TLL1: variants seen among roughly 807,000 people sequenced by gnomAD.
TLL1 encodes tolloid like 1.
A neutral mutation model predicts 128.2 loss-of-function variants in TLL1; 49 were observed. That is an observed-to-expected ratio of 0.38 (90% CI 0.30 to 0.48). The LOEUF is 0.48. TLL1 is among the 20% of genes least tolerant of loss of function. The probability of loss-of-function intolerance (pLI) is 0.96; values close to 1 mark genes in which losing one functional copy is unlikely to be tolerated. For missense variants in TLL1, 1,123 were observed against 1,242.0 expected (o/e 0.90, Z 1.44); for synonymous variants, 454 against 418.8 (o/e 1.08, Z -1.03).
intron 9 of TLL1, 84 bp from the exon 10 acceptor site, chr4:166,039,255 A>G (rs1739135179): frequency 2.2e-6 from 2 of 896,828 alleles, no homozygotes; most frequent in Non-Finnish European, 3.7e-6. Context: ...ACTGTAGACC[A>G]GGGTTCCTTA....
rs150329580 is a variant in TLL1, at chr4:166,042,096, G to A, written c.1331G>A (p.Arg444His). 1.2e-6 allele frequency: 2 copies of A among 1,612,282 alleles called. No individual in the cohort carries two copies. Among genetic ancestry groups the A allele is most frequent in the East Asian group, 2.2e-5 (1 of 44,756 alleles). Residue 444 changes from arginine (R) to histidine (H), a missense_variant, in exon 11 of 21, where the codon CGT becomes CAT. This residue lies in a region of TLL1 where 9 missense variants were observed against 27.2 expected (regional missense o/e 0.33). Coordinates refer to ENST00000061240, the MANE Select transcript of TLL1 (RefSeq NM_012464.5). ...GACAGCAGAATGTGGATTGAGTTTCGTAGCAGCAGTAATTGGGTAGGAAAA... is the reference window on the plus strand; with the variant it reads ...GACAGCAGAATGTGGATTGAGTTTCATAGCAGCAGTAATTGGGTAGGAAAA... The part of the protein sequence containing the change: ...STDSRMWIEF[R>H]SSSNWVGKGF...
intron 1 of TLL1, among the ~76,000 whole-genome samples, chr4:165,985,081 C>A (rs1579583156): frequency 6.6e-6 from 1 of 151,936 alleles, no homozygotes; most frequent in South Asian, 2.1e-4. Context: ...ATTTCTGGTA[C>A]TATGGCATTA....
At chr4:166,095,911 A>G (rs1347228654) in intron 19 of TLL1, among the ~76,000 whole-genome samples, 1 of 152,158 alleles carries the variant, frequency 6.6e-6, no homozygotes, top group Non-Finnish European at 1.5e-5. Context: ...ATGAATAGGT[A>G]GATTTGATGA....
At chr4:165,967,991 A>G (rs1735468750) in intron 1 of TLL1, among the ~76,000 whole-genome samples, 1 of 152,196 alleles carries the variant, frequency 6.6e-6, no homozygotes. Context: ...CCACTTTCTA[A>G]CTTAGACAAG....
intron 1 of TLL1, among the ~76,000 whole-genome samples, chr4:165,890,469 G>T (rs777074639): frequency 1.2e-4 from 19 of 152,204 alleles, no homozygotes; most frequent in Non-Finnish European, 2.5e-4. Flanking sequence ...TCCTAAATAT[G>T]GTGAGGGCTC....
chr4:166,100,646 T>C, intron 20 of TLL1, 96 bp from the exon 21 acceptor site: 1 of 1,512,790 alleles, frequency 6.6e-7, no homozygotes, highest in South Asian at 1.1e-5. Context: ...TAAATTATAT[T>C]CCAAAGACAA....
intron 18 of TLL1, among the ~76,000 whole-genome samples, chr4:166,079,318 T>G (rs1345188786): frequency 1.3e-5 from 2 of 152,190 alleles, no homozygotes; most frequent in Non-Finnish European, 2.9e-5. Context: ...AATCCAAATT[T>G]TTTTTGGGTA....
chr4:166,000,126 C>A (rs922327662), intron 5 of TLL1, among the ~76,000 whole-genome samples: 15 of 152,016 alleles, frequency 9.9e-5, no homozygotes, highest in Admixed American at 7.9e-4. Context: ...CTTAAAATGT[C>A]CAAACTTTAA....
chr4:166,035,268 G>A (rs1579653033), intron 9 of TLL1, among the ~76,000 whole-genome samples: 2 of 152,236 alleles, frequency 1.3e-5, no homozygotes, highest in South Asian at 2.1e-4. Flanking sequence ...TCATCAAACT[G>A]ATGTTTGTAT....
intron 17 of TLL1, among the ~76,000 whole-genome samples, chr4:166,076,572 G>A (rs544587288): frequency 6.6e-6 from 1 of 152,248 alleles, no homozygotes; most frequent in African/African-American, 2.4e-5. Flanking sequence ...TGCCAGGAAA[G>A]GGGTTGGATC....
chr4:165,955,100 A>C (rs1734718593), intron 1 of TLL1, among the ~76,000 whole-genome samples: 1 of 152,184 alleles, frequency 6.6e-6, no homozygotes, highest in Non-Finnish European at 1.5e-5. Flanking sequence ...TCTGGTATTG[A>C]AAATTTCATT....
At chr4:166,099,775 C>A (rs1444675958) in intron 20 of TLL1, among the ~76,000 whole-genome samples, 1 of 152,068 alleles carries the variant, frequency 6.6e-6, no homozygotes, top group Non-Finnish European at 1.5e-5. Context: ...TTTCTTGTCA[C>A]TTTTCCATTG....
chr4:166,083,136 A>G (rs1035261451), intron 18 of TLL1, among the ~76,000 whole-genome samples: 4 of 152,152 alleles, frequency 2.6e-5, no homozygotes, highest in African/African-American at 9.7e-5. Context: ...AAAGGCAAAT[A>G]AAACACTTGG....
At chr4:165,961,724 A>G (rs1735115064) in intron 1 of TLL1, among the ~76,000 whole-genome samples, 1 of 152,170 alleles carries the variant, frequency 6.6e-6, no homozygotes, top group South Asian at 2.1e-4. Context: ...AGGGGAAAGG[A>G]CACCTTATTA....
intron 1 of TLL1, among the ~76,000 whole-genome samples, chr4:165,934,173 C>CTTTTTTTT (rs779010027): frequency 9.2e-6 from 1 of 108,304 alleles, no homozygotes; most frequent in Non-Finnish European, 1.9e-5. Flanking sequence ...TAATTTTTTG[C>CTTTTTTTT]TTTTTTTTTT....
chr4:166,090,060 G>C (rs1741691804), intron 18 of TLL1, among the ~76,000 whole-genome samples: 1 of 151,988 alleles, frequency 6.6e-6, no homozygotes, highest in African/African-American at 2.4e-5. Context: ...GATCACTTCA[G>C]TAAAACTGTA....
At chr4:166,054,894 T>G (rs2111110547) in intron 12 of TLL1, among the ~76,000 whole-genome samples, 182 bp from the exon 13 acceptor site, 1 of 152,234 alleles carries the variant, frequency 6.6e-6, no homozygotes, top group Non-Finnish European at 1.5e-5. Context: ...TCTACCAGAA[T>G]AACATCCTTT....
chr4:166,040,337 A>G (rs914722412), intron 10 of TLL1, among the ~76,000 whole-genome samples: 9 of 152,328 alleles, frequency 5.9e-5, no homozygotes, highest in African/African-American at 2.2e-4. Flanking sequence ...GTGGTAAGTC[A>G]GGTTGAGGAA....
At chr4:166,057,688 G>A (rs889898833) in intron 14 of TLL1, among the ~76,000 whole-genome samples, 4 of 152,170 alleles carry the variant, frequency 2.6e-5, no homozygotes, top group Non-Finnish European at 2.9e-5. Context: ...GAGGCCTCAC[G>A]ATAATGGGAG....
Sources: allele counts gnomAD v4.1 joint callset (sites outside exome capture counted in the v4.1 genomes callset), GRCh38; gene constraint gnomAD v4.1.1; regional missense constraint gnomAD v4.1.1; transcripts MANE v1.5; gene names NCBI Gene and HGNC (gene_info 2026-07-23, HGNC 2026-07-21).